Variants in CMIP observed in about 807,000 individuals in gnomAD.
CMIP encodes c-Maf inducing protein.
Under a neutral mutation model 97.3 loss-of-function variants are expected in CMIP, and 13 were observed. The ratio of observed to expected loss-of-function variants is 0.13; its 90% confidence interval spans 0.09 to 0.21. The LOEUF is 0.21. CMIP is among the 10% of genes least tolerant of loss of function. The pLI, the probability that CMIP is intolerant of heterozygous loss-of-function variation, is 1.00. For missense variants in CMIP, 847 were observed against 1,024.9 expected, an observed-to-expected ratio of 0.83 and a Z score of 2.37; for synonymous variants, 538 against 436.3, an observed-to-expected ratio of 1.23 and a Z score of -2.91.
chr16:81,510,615 C>T (rs1040198077), intron 1 of CMIP, among the ~76,000 whole-genome samples: 3 of 152,198 alleles, frequency 2.0e-5, no homozygotes, highest in African/African-American at 7.2e-5. Context: ...AATTACACTT[C>T]ACTACCACCT....
chr16:81,462,489 T>C (rs889319650), intron 1 of CMIP, among the ~76,000 whole-genome samples: 1 of 150,576 alleles, frequency 6.6e-6, no homozygotes, highest in East Asian at 2.0e-4. Flanking sequence ...TGCACAGAAA[T>C]AAACATGTAA....
chr16:81,483,022 G>A (rs1220989877), intron 1 of CMIP, among the ~76,000 whole-genome samples: 1 of 152,242 alleles, frequency 6.6e-6, no homozygotes, highest in Non-Finnish European at 1.5e-5. Context: ...CCATTCTACT[G>A]GAGGAGAGGA....
Position 81,462,755 on chromosome 16 carries a change from T to C in CMIP, c.300+17214T>C, listed in dbSNP as rs138390860. ...TTCTTCACTCTCTGATAAGGTGTAG[T>C]GCATCACTGGAGCTGCGTTGTGATT... On this transcript the variant is annotated intron_variant, in intron 1 of 20. Transcript: ENST00000537098. Among the ~76,000 whole-genome samples the C allele has an allele frequency of 2.4e-3, 370 of 152,328 alleles. 4 individuals carry two copies. The highest frequency in any genetic ancestry group is 8.2e-3 in the African/African-American group (343 of 41,578).
chr16:81,707,687 G>A (rs529100103), intron 20 of CMIP, among the ~76,000 whole-genome samples: 2 of 152,342 alleles, frequency 1.3e-5, no homozygotes, highest in Admixed American at 1.3e-4. Flanking sequence ...AGGGTGGAAG[G>A]CAGGGGCGTT....
At position 81,667,599 on chromosome 16, in the gene CMIP, A is replaced by C. The variant is rs1422685282; in HGVS notation, c.826-2543A>C. Among the ~76,000 whole-genome samples, 4 of 152,330 alleles carry C rather than the reference A, an allele frequency of 2.6e-5. No individual in the cohort carries two copies. In the East Asian group the frequency reaches 7.7e-4, roughly 29 times the overall value. On this transcript the variant is annotated intron_variant, in intron 7 of 20. Coordinates refer to ENST00000537098, the MANE Select transcript of CMIP (RefSeq NM_198390.3). ...CTCTGTTGAAGCAGTTTACAAAATC[A>C]TAAAACCCTCGTGGTGGAAGGGGGC...
At chr16:81,520,998 C>T (rs954355829) in intron 1 of CMIP, among the ~76,000 whole-genome samples, 6 of 152,158 alleles carry the variant, frequency 3.9e-5, no homozygotes, top group African/African-American at 1.2e-4. Flanking sequence ...GAAAAAGGAC[C>T]CCCCGCCCCC....
chr16:81,568,610 G>A (rs2091027055), intron 1 of CMIP, among the ~76,000 whole-genome samples: 1 of 152,188 alleles, frequency 6.6e-6, no homozygotes, highest in Non-Finnish European at 1.5e-5. Context: ...GGAGGAGAGT[G>A]GAAACTTTTA....
intron 1 of CMIP, among the ~76,000 whole-genome samples, chr16:81,522,059 A>G (rs1238329737): frequency 6.6e-6 from 1 of 152,196 alleles, no homozygotes; most frequent in Non-Finnish European, 1.5e-5. Context: ...CCAAGTGCAG[A>G]CGGATGAGGT....
intron 1 of CMIP, among the ~76,000 whole-genome samples, chr16:81,592,238 G>C (rs1024368683): frequency 4.6e-5 from 7 of 152,328 alleles, no homozygotes; most frequent in African/African-American, 1.7e-4. Flanking sequence ...TCAGAAATGG[G>C]AGAAGCTTGG....
intron 1 of CMIP, among the ~76,000 whole-genome samples, chr16:81,582,836 C>T (rs979734875): frequency 3.3e-5 from 5 of 152,010 alleles, no homozygotes; most frequent in African/African-American, 9.7e-5. Context: ...ACAAAGTCGG[C>T]GGGGGTAAAA....
rs1418202893 is a variant in CMIP at position 81,607,700 on chromosome 16, A to T, written c.426+8A>T. On this transcript the variant is annotated splice_region_variant and intron_variant, in intron 2 of 20. Transcript: ENST00000537098. The stretch of plus-strand genomic sequence containing the variant: ...GGAACTGTCTTACTGCAGGTAGGAG[A>T]AATAAACATGAACAAGCAGTTTCTT... The T allele has an allele frequency of 2.5e-6, 4 of 1,612,464 alleles. No individual in the cohort carries two copies. The East Asian group carries it at 8.9e-5, about 36-fold the overall frequency.
intron 7 of CMIP, among the ~76,000 whole-genome samples, chr16:81,668,881 T>C (rs1308782596): frequency 8.1e-5 from 5 of 61,542 alleles, no homozygotes; most frequent in Non-Finnish European, 1.7e-4. Context: ...TCACACTCAT[T>C]GCCTTCCGTA....
At chr16:81,585,982 G>A (rs2091375731) in intron 1 of CMIP, among the ~76,000 whole-genome samples, 1 of 152,194 alleles carries the variant, frequency 6.6e-6, no homozygotes, top group East Asian at 1.9e-4. Flanking sequence ...TGCCGGGGAA[G>A]GCCTGTTAGT....
At chr16:81,645,999 C>T (rs1458911908) in intron 3 of CMIP, among the ~76,000 whole-genome samples, 1 of 151,952 alleles carries the variant, frequency 6.6e-6, no homozygotes, top group Non-Finnish European at 1.5e-5. Context: ...TAACATAGTG[C>T]TTGGCACGTC....
In CMIP at chr16:81,628,333, G is replaced by A. The variant is rs182852737; in HGVS notation, c.477+7407G>A. 1.8e-3 allele frequency among the ~76,000 whole-genome samples: 275 copies of A among 152,230 alleles called. 1 individual carries two copies. Among genetic ancestry groups the A allele is most frequent in the African/African-American group, 6.3e-3 (263 of 41,534 alleles). ...TTCCCAAGCTCACATCCCCCAAGTC[G>A]TCATCCAGCCCAAGCCGAGCCCCCA... On this transcript the variant is annotated intron_variant, in intron 3 of 20. Transcript: ENST00000537098.
At position 81,710,798 on chromosome 16, in the gene CMIP, C is replaced by T. The variant is rs1197988709; in HGVS notation, c.*999C>T. ...CTTGAATGGGAGGCTGCTAACCCGC[C>T]CTCTCCAGTCCACCCCGGTAAAAGA... On this transcript the variant is annotated 3_prime_UTR_variant, in exon 21 of 21. Transcript: ENST00000537098. The T allele has an allele frequency of 6.6e-6, 1 of 152,140 alleles. No homozygotes were observed. The highest frequency in any genetic ancestry group is 1.5e-5 in the Non-Finnish European group (1 of 68,064). The allele number at this position is 152,140 out of a possible 1,614,324, so 9.4% of individuals were successfully genotyped here. A position where few individuals can be genotyped will look rare whatever the true frequency, so the allele number is the denominator to read the frequency against.
At chr16:81,600,866 T>G (rs2091645829) in intron 1 of CMIP, among the ~76,000 whole-genome samples, 1 of 152,116 alleles carries the variant, frequency 6.6e-6, no homozygotes, top group African/African-American at 2.4e-5. Flanking sequence ...TCATCATTAG[T>G]GTTGTTGGTG....
In CMIP at chr16:81,701,749, G is replaced by T. The variant is rs1200475631; in HGVS notation, c.1845G>T (p.Gly615=). The T allele has an allele frequency of 3.7e-6, 6 of 1,613,766 alleles. No individual in the cohort carries two copies. The highest frequency in any genetic ancestry group is 5.1e-6 in the Non-Finnish European group (6 of 1,179,890). Residue 615 remains glycine, a synonymous_variant, in exon 16 of 21, where the codon GGG becomes GGT. Coordinates refer to ENST00000537098, the MANE Select transcript of CMIP (RefSeq NM_198390.3). ...IISTLESTDV[G]KRMYEQLCDR... is the part of the protein sequence containing the mutation. ...CAACCCTGGAGAGCACAGACGTGGG[G>T]AAGCGCATGTACGAGCAGCTGTGTG...
chr16:81,645,321 C>T lies in CMIP; in HGVS notation c.478-6882C>T, dbSNP rs974009957. On this transcript the variant is annotated intron_variant, in intron 3 of 20. Transcript: ENST00000537098. Reference sequence around the variant, plus strand: ...TGGGCGCGCCCGTGCAGCGTCCTCTCTTCACGACAGGTGGTGGGGAGCATG... The same window carrying T: ...TGGGCGCGCCCGTGCAGCGTCCTCTTTTCACGACAGGTGGTGGGGAGCATG... 1.9e-5 allele frequency: 26 copies of T among 1,336,286 alleles called. 1 individual carries two copies. In the South Asian group the frequency reaches 2.9e-4, roughly 15 times the overall value. 82.8% of individuals were successfully genotyped at this position (1,336,286 alleles called of 1,614,324 possible).
Sources: allele counts gnomAD v4.1 joint callset (sites outside exome capture counted in the v4.1 genomes callset), GRCh38; gene constraint gnomAD v4.1.1; transcripts MANE v1.5; gene names NCBI Gene and HGNC (gene_info 2026-07-23, HGNC 2026-07-21).